Variants in GARIN3 observed in about 807,000 individuals in gnomAD.
GARIN3 encodes Golgi-associated RAB2 interactor protein 3.
chr5:157,165,447 A>G, the GARIN3 span: 2 of 1,473,424 alleles, frequency 1.4e-6, no homozygotes, highest in Non-Finnish European at 1.8e-6. Flanking sequence ...GAGCCCTTGC[A>G]CATGCAATAC....
At chr5:157,164,060 TAAAAAAAAGAAAGAAAG>T in the GARIN3 span, among the ~76,000 whole-genome samples, 1 of 146,302 alleles carries the variant, frequency 6.8e-6, no homozygotes, top group African/African-American at 2.5e-5. Flanking sequence ...AGACACTGTT[TAAAAAAAAGAAAGAAAG>T]AAAGAAAGAA....
At chr5:157,163,728 C>T in the GARIN3 span, 47 of 1,526,496 alleles carry the variant, frequency 3.1e-5, no homozygotes, top group African/African-American at 5.8e-4. Flanking sequence ...TTCTACTCCT[C>T]TCTTATCCTG....
At chr5:157,162,814 C>T in the GARIN3 span, 1 of 1,614,162 alleles carries the variant, frequency 6.2e-7, no homozygotes, top group South Asian at 1.1e-5. Flanking sequence ...GTTGCTGTAC[C>T]CTTTTTCTTT....
the GARIN3 span, chr5:157,163,111 C>T: frequency 2.5e-6 from 4 of 1,614,118 alleles, no homozygotes; most frequent in Non-Finnish European, 3.4e-6. Flanking sequence ...TTCTGCTGCA[C>T]ACTTGCTGGT....
chr5:157,163,608 C>CT, the GARIN3 span: 1 of 1,614,066 alleles, frequency 6.2e-7, no homozygotes, highest in Non-Finnish European at 8.5e-7. Flanking sequence ...CATCACAAGG[C>CT]TTGTAGAGCC....
the GARIN3 span, among the ~76,000 whole-genome samples, chr5:157,164,013 C>G: frequency 6.6e-6 from 1 of 151,442 alleles, no homozygotes; most frequent in Admixed American, 6.6e-5. Context: ...GCCAAGACTG[C>G]GCCACTCCAC....
chr5:157,162,804 G>T, the GARIN3 span: 2 of 1,614,170 alleles, frequency 1.2e-6, no homozygotes, highest in Non-Finnish European at 1.7e-6. Context: ...TGCCCCTTAC[G>T]TTGCTGTACC....
chr5:157,162,319 G>T, the GARIN3 span: 2 of 1,386,274 alleles, frequency 1.4e-6, no homozygotes, highest in African/African-American at 1.4e-5. Flanking sequence ...AAAAATTCAA[G>T]CAGGAGATTG....
At chr5:157,163,004 T>G in the GARIN3 span, 1 of 1,614,262 alleles carries the variant, frequency 6.2e-7, no homozygotes, top group South Asian at 1.1e-5. Flanking sequence ...ACTTCAGCAC[T>G]GGGCTGGGAA....
the GARIN3 span, chr5:157,163,232 A>C: frequency 6.2e-7 from 1 of 1,613,986 alleles, no homozygotes; most frequent in Non-Finnish European, 8.5e-7. Context: ...GCACCCACCA[A>C]GGCCAAGCTA....
At chr5:157,166,185 G>A in the GARIN3 span, 12 of 1,591,448 alleles carry the variant, frequency 7.5e-6, no homozygotes, top group Non-Finnish European at 1.0e-5. Context: ...CTTCGTTTAA[G>A]ACAGCTCCAC....
chr5:157,163,617 C>T, the GARIN3 span: 4 of 1,614,068 alleles, frequency 2.5e-6, no homozygotes, highest in Middle Eastern at 1.7e-4. Flanking sequence ...GCTTGTAGAG[C>T]CCAGTCTCAC....
the GARIN3 span, chr5:157,162,227 T>C: frequency 1.5e-6 from 1 of 649,534 alleles, no homozygotes; most frequent in African/African-American, 1.8e-5. Flanking sequence ...GGAGCTCTAC[T>C]TGCCTGGAGG....
At chr5:157,165,304 G>A in the GARIN3 span, among the ~76,000 whole-genome samples, 1 of 152,320 alleles carries the variant, frequency 6.6e-6, no homozygotes, top group African/African-American at 2.4e-5. Context: ...GGATGGTGTA[G>A]AAAGGATTTC....
At chr5:157,165,190 C>A in the GARIN3 span, among the ~76,000 whole-genome samples, 1 of 152,180 alleles carries the variant, frequency 6.6e-6, no homozygotes, top group Non-Finnish European at 1.5e-5. Flanking sequence ...GTCACACACA[C>A]AAAGCTACAC....
chr5:157,163,103 C>A, the GARIN3 span: 1 of 1,614,250 alleles, frequency 6.2e-7, no homozygotes, highest in Non-Finnish European at 8.5e-7. Context: ...TCAGTTCTTT[C>A]TGCTGCACAC....
the GARIN3 span, chr5:157,163,261 T>C: frequency 1.2e-6 from 2 of 1,614,176 alleles, no homozygotes; most frequent in African/African-American, 1.3e-5. Context: ...TGAGGATATG[T>C]TGGCAGCACC....
At chr5:157,163,464 A>G in the GARIN3 span, 7 of 1,614,164 alleles carry the variant, frequency 4.3e-6, no homozygotes, top group South Asian at 3.3e-5. Flanking sequence ...CTGCCATGCC[A>G]CCTGCTGTCC....
At chr5:157,164,881 G>A in the GARIN3 span, among the ~76,000 whole-genome samples, 17 of 152,160 alleles carry the variant, frequency 1.1e-4, no homozygotes, top group South Asian at 2.1e-4. Context: ...TTAGTTGGAC[G>A]TGGTGGCAGG....
Sources: allele counts gnomAD v4.1 joint callset (sites outside exome capture counted in the v4.1 genomes callset), GRCh38; gene constraint gnomAD v4.1.1; transcripts MANE v1.5; gene names NCBI Gene and HGNC (gene_info 2026-07-23, HGNC 2026-07-21).